The following NSUN7 variants were observed in gnomAD, a reference collection of about 807,000 sequenced individuals.
NSUN7 encodes the protein protein NSUN7.
In NSUN7, 39 loss-of-function variants were observed where a neutral mutation model predicts 58.5. The ratio of observed to expected loss-of-function variants is 0.67; its 90% confidence interval spans 0.52 to 0.87. The LOEUF (loss-of-function observed/expected upper bound fraction) is 0.87, where lower values mean the gene tolerates loss of function less well. Among genes scored for constraint, NSUN7 ranks in the 40% least tolerant of loss-of-function variants. The pLI is 0.00. For synonymous variants in NSUN7, 278 were observed against 303.7 expected (o/e 0.92, Z 0.88); for missense variants, 765 against 844.1 (o/e 0.91, Z 1.16).
chr4:40,778,930 C>T (rs1020852828), intron 7 of NSUN7, among the ~76,000 whole-genome samples: 1 of 152,128 alleles, frequency 6.6e-6, no homozygotes, highest in African/African-American at 2.4e-5. Flanking sequence ...CAAAAATACT[C>T]TTTGAAATAA....
chr4:40,803,985 G>A (rs973112575), intron 10 of NSUN7, among the ~76,000 whole-genome samples: 2 of 152,180 alleles, frequency 1.3e-5, no homozygotes, highest in Non-Finnish European at 2.9e-5. Context: ...AGCTGTGATT[G>A]GGAGACAGAG....
chr4:40,776,425 A>T (rs1025201092), intron 7 of NSUN7, 166 bp downstream of exon 7: 2 of 490,130 alleles, frequency 4.1e-6, no homozygotes, highest in African/African-American at 3.9e-5. Context: ...CTTGTTGCTT[A>T]ATTTGGTTAA....
intron 7 of NSUN7, among the ~76,000 whole-genome samples, chr4:40,780,338 C>T (rs1187373913): frequency 6.6e-6 from 1 of 152,142 alleles, no homozygotes; most frequent in African/African-American, 2.4e-5. Flanking sequence ...CACAATGGCT[C>T]ATTCCTGTAA....
In NSUN7 at chr4:40,798,112, G is replaced by T. The variant is rs577913296; in HGVS notation, c.1283-675G>T. 2.7e-3 allele frequency among the ~76,000 whole-genome samples: 413 copies of T among 152,108 alleles called. 2 individuals carry two copies. The highest frequency in any genetic ancestry group is 9.4e-3 in the African/African-American group (391 of 41,460). ...TCCTGGAACTCTCTATCCCTCACCCGGCTCTGCTTTTCTCCATAGCATTGA... is the reference window on the plus strand; with the variant it reads ...TCCTGGAACTCTCTATCCCTCACCCTGCTCTGCTTTTCTCCATAGCATTGA... On this transcript the variant is annotated intron_variant, in intron 9 of 11. Coordinates refer to ENST00000381782, the MANE Select transcript of NSUN7 (RefSeq NM_024677.6).
At chr4:40,752,699 C>T (rs1266412669) in intron 2 of NSUN7, among the ~76,000 whole-genome samples, 3 of 151,864 alleles carry the variant, frequency 2.0e-5, no homozygotes, top group Non-Finnish European at 2.9e-5. Context: ...GGATTACAGG[C>T]GTGAGCCACT....
At chr4:40,755,983 G>A (rs566059729) in intron 2 of NSUN7, among the ~76,000 whole-genome samples, 1 of 152,260 alleles carries the variant, frequency 6.6e-6, no homozygotes, top group East Asian at 1.9e-4. Flanking sequence ...TTATTGGGGG[G>A]TCAGTTTTGT....
At chr4:40,790,524 A>G in intron 7 of NSUN7, 78 bp from the exon 8 acceptor site, 1 of 918,690 alleles carries the variant, frequency 1.1e-6, no homozygotes, top group Non-Finnish European at 1.6e-6. Flanking sequence ...AAAATGTACA[A>G]TAAATAGATA....
intron 7 of NSUN7, among the ~76,000 whole-genome samples, chr4:40,787,361 TA>T (rs1266291199): frequency 6.6e-6 from 1 of 151,054 alleles, no homozygotes; most frequent in Non-Finnish European, 1.5e-5. Context: ...AAAGTGATTT[TA>T]AAATGTAAAA....
At position 40,808,274 on chromosome 4, in the gene NSUN7, T is replaced by C. The variant is rs190558696; in HGVS notation, c.1525-33T>C. On this transcript the variant is annotated intron_variant, in intron 11 of 11. Coordinates refer to ENST00000381782, the MANE Select transcript of NSUN7 (RefSeq NM_024677.6). ...TGCGGGAGACACAATAATAGCTAACTCCCACATTTAGTAAATGCTTCTTTA... is the reference window on the plus strand; with the variant it reads ...TGCGGGAGACACAATAATAGCTAACCCCCACATTTAGTAAATGCTTCTTTA... The C allele has an allele frequency of 8.5e-5, 133 of 1,565,380 alleles. 1 individual carries two copies. In the African/African-American group the frequency reaches 1.7e-3, roughly 21 times the overall value.
In NSUN7 at chr4:40,769,053, C is replaced by G. The variant is rs183037856; in HGVS notation, c.489-5212C>G. Among the ~76,000 whole-genome samples, 4 of 152,294 alleles carry G rather than the reference C, an allele frequency of 2.6e-5. No homozygotes were observed. In the East Asian group the frequency reaches 7.7e-4, roughly 29 times the overall value. The stretch of plus-strand genomic sequence containing the variant: ...ATCATCCTTGATTCTTCTTTCCTCC[C>G]CTCCCCTGCACTCAATCTGTGTCTA... On this transcript the variant is annotated intron_variant, in intron 4 of 11. Coordinates refer to ENST00000381782, the MANE Select transcript of NSUN7 (RefSeq NM_024677.6).
chr4:40,792,626 C>T (rs1393279239), intron 8 of NSUN7, among the ~76,000 whole-genome samples: 2 of 152,120 alleles, frequency 1.3e-5, no homozygotes, highest in Non-Finnish European at 2.9e-5. Flanking sequence ...TGGCGGGCGC[C>T]TGTAGTCCCA....
intron 4 of NSUN7, among the ~76,000 whole-genome samples, chr4:40,762,906 C>CTTATGAGATCATCTAATGCTTGATGATCG (rs1741527555): frequency 6.6e-6 from 1 of 151,936 alleles, no homozygotes; most frequent in African/African-American, 2.4e-5. Flanking sequence ...CTTGATGATC[C>CTTATGAGATCATCTAATGCTTGATGATCG]TTATGAGATC....
intron 7 of NSUN7, among the ~76,000 whole-genome samples, chr4:40,782,636 A>G (rs1286049712): frequency 6.6e-6 from 1 of 151,964 alleles, no homozygotes; most frequent in African/African-American, 2.4e-5. Flanking sequence ...GGGAGGGGCT[A>G]AGGTGGGAGG....
chr4:40,795,890 T>C (rs1743305821), intron 9 of NSUN7, among the ~76,000 whole-genome samples: 1 of 152,222 alleles, frequency 6.6e-6, no homozygotes, highest in African/African-American at 2.4e-5. Context: ...TGAGCACTTA[T>C]TGTTTACTTA....
intron 2 of NSUN7, among the ~76,000 whole-genome samples, chr4:40,759,329 A>T (rs116282992): frequency 0.012 from 1,878 of 152,248 alleles, 44 homozygotes; most frequent in African/African-American, 0.042. Flanking sequence ...ATAAATAAAT[A>T]AAATAAAGCA....
At chr4:40,781,836 G>T (rs1742581032) in intron 7 of NSUN7, among the ~76,000 whole-genome samples, 1 of 152,168 alleles carries the variant, frequency 6.6e-6, no homozygotes, top group Non-Finnish European at 1.5e-5. Flanking sequence ...AACAGAAAAA[G>T]ATATGCTGTG....
intron 2 of NSUN7, among the ~76,000 whole-genome samples, chr4:40,753,530 C>G (rs562952269): frequency 2.0e-5 from 3 of 152,318 alleles, no homozygotes; most frequent in African/African-American, 7.2e-5. Context: ...CTTGGCCTCC[C>G]AAAGTGCTGT....
chr4:40,781,612 A>G (rs2154288105), intron 7 of NSUN7, among the ~76,000 whole-genome samples: 1 of 152,138 alleles, frequency 6.6e-6, no homozygotes, highest in South Asian at 2.1e-4. Flanking sequence ...CACCTGGCTA[A>G]TTTTTTTATT....
chr4:40,779,343 C>T (rs1742415671), intron 7 of NSUN7, among the ~76,000 whole-genome samples: 1 of 152,124 alleles, frequency 6.6e-6, no homozygotes, highest in Admixed American at 6.5e-5. Context: ...GTGGCTCACG[C>T]TTGTAATCCC....
Sources: gnomAD v4.1 joint callset for allele counts (sites outside exome capture counted in the v4.1 genomes callset) on GRCh38, gnomAD v4.1.1 for gene constraint, MANE v1.5 for transcripts, NCBI Gene and HGNC (gene_info 2026-07-23, HGNC 2026-07-21) for gene names.